CCNC: variants seen among roughly 807,000 people sequenced by gnomAD.
CCNC encodes the protein cyclin C.
CCNC carries 19 observed loss-of-function variants against 50.0 expected under a neutral mutation model. That is an observed-to-expected ratio of 0.38 (90% CI 0.27 to 0.56). The LOEUF (loss-of-function observed/expected upper bound fraction) is 0.56. CCNC is among the 20% of genes least tolerant of loss of function. The pLI, the probability that CCNC is intolerant of heterozygous loss-of-function variation, is 0.72. For missense variants in CCNC, 200 were observed against 327.1 expected (o/e 0.61, Z 3.00); for synonymous variants, 93 against 103.7 (o/e 0.90, Z 0.63).
chr6:99,551,949 C>A (rs994550736), intron 5 of CCNC, 54 bp from the exon 6 acceptor site: 13 of 1,239,204 alleles, frequency 1.0e-5, no homozygotes, highest in South Asian at 1.6e-5. Flanking sequence ...TAAATTAACT[C>A]AAAATTCCTT....
intron 1 of CCNC, 137 bp downstream of exon 1, chr6:99,568,359 T>A (rs1039940783): frequency 3.7e-6 from 3 of 815,258 alleles, no homozygotes. Flanking sequence ...CGCATCTTGA[T>A]TCTGACCGCT....
Position 99,568,623 on chromosome 6 carries a change from C to G in CCNC, c.-96G>C, listed in dbSNP as rs1769265616. On this transcript the variant is annotated 5_prime_UTR_variant, in exon 1 of 12. Transcript: ENST00000520429. ...CCGTCCGGTAACCGCGCTCCTCGAT[C>G]AAATCAGCTCGGCTCGACTCCGCTC... 1 of 1,558,542 alleles carries G rather than the reference C, an allele frequency of 6.4e-7. No homozygotes were observed. Among genetic ancestry groups the G allele is most frequent in the Non-Finnish European group, 8.7e-7 (1 of 1,153,384 alleles).
rs1406208321 is a variant in CCNC at position 99,568,493 on chromosome 6, T to C, written c.32+3A>G. The C allele has an allele frequency of 6.2e-7, 1 of 1,612,468 alleles. No homozygotes were observed. Among genetic ancestry groups the C allele is most frequent in the Non-Finnish European group, 8.5e-7 (1 of 1,179,200 alleles). On this transcript the variant is annotated splice_donor_region_variant and intron_variant, in intron 1 of 11. Transcript: ENST00000520429. The stretch of plus-strand genomic sequence containing the variant: ...CCAGGTGAGAAGACGGAAGATCGCT[T>C]ACTAGTGGGAGCTCTGCCAAAAGTT...
chr6:99,568,765 AGGGAGCCGGAG>A (rs1286058703), upstream of CCNC: 1 of 1,310,046 alleles, frequency 7.6e-7, no homozygotes, highest in Admixed American at 3.1e-5. Context: ...GCGGTAGCGG[AGGGAGCCGGAG>A]GGGAGGTGCT....
At chr6:99,554,684 A>C (rs987549895) in intron 5 of CCNC, among the ~76,000 whole-genome samples, 1 of 151,986 alleles carries the variant, frequency 6.6e-6, no homozygotes, top group Non-Finnish European at 1.5e-5. Flanking sequence ...GTTTGTTTTG[A>C]ATACTTCTTT....
chr6:99,558,061 G>A (rs540043729), intron 5 of CCNC: 185 of 175,278 alleles, frequency 1.1e-3, no homozygotes, highest in Non-Finnish European at 1.6e-3. Context: ...ACTAAGCAAG[G>A]CACTGTTCTA....
intron 6 of CCNC, among the ~76,000 whole-genome samples, chr6:99,551,381 T>TA (rs953779385): frequency 6.6e-6 from 1 of 152,146 alleles, no homozygotes; most frequent in Non-Finnish European, 1.5e-5. Flanking sequence ...CTACTTAATT[T>TA]AAAAAATGTA....
intron 5 of CCNC, among the ~76,000 whole-genome samples, chr6:99,554,219 G>A (rs190661245): frequency 1.2e-3 from 186 of 152,094 alleles, no homozygotes; most frequent in Non-Finnish European, 2.1e-3. Context: ...CCGAGATAAA[G>A]TACCATCTTC....
intron 5 of CCNC, among the ~76,000 whole-genome samples, chr6:99,556,081 A>AT (rs1438959613): frequency 6.6e-6 from 1 of 151,986 alleles, no homozygotes; most frequent in Non-Finnish European, 1.5e-5. Context: ...CTTAAAAATT[A>AT]TTTTTTCCAC....
chr6:99,564,452 G>A (rs1346500672), intron 1 of CCNC, among the ~76,000 whole-genome samples: 1 of 150,858 alleles, frequency 6.6e-6, no homozygotes, highest in Non-Finnish European at 1.5e-5. Context: ...AAATTCCTAT[G>A]GGTTACTGCC....
In CCNC at chr6:99,559,661, AAT is replaced by A. The variant is rs1491576161; in HGVS notation, c.295-1115_295-1114del. 6.6e-3 allele frequency among the ~76,000 whole-genome samples: 830 copies of A among 126,662 alleles called. 5 individuals carry two copies. Among genetic ancestry groups the A allele is most frequent in the African/African-American group, 0.032 (768 of 23,656 alleles). 83.1% of individuals were successfully genotyped at this position (126,662 alleles called of 152,430 possible). ...GATTTGGTCACAGAGATAAAAAAAA[AAT>A]AATAATAATGCTACGACCAAATCTG... On this transcript the variant is annotated intron_variant, in intron 4 of 11. Transcript: ENST00000520429.
intron 5 of CCNC, 96 bp downstream of exon 5, chr6:99,558,401 C>G (rs759420553): frequency 6.6e-7 from 1 of 1,517,994 alleles, no homozygotes; most frequent in Non-Finnish European, 8.8e-7. Context: ...GCCAACCAAT[C>G]TCATATGTCT....
At chr6:99,549,049 C>A (rs546010642) in intron 9 of CCNC, among the ~76,000 whole-genome samples, 1 of 152,216 alleles carries the variant, frequency 6.6e-6, no homozygotes, top group East Asian at 1.9e-4. Flanking sequence ...CCACCCATTA[C>A]AGCACTGCTT....
At chr6:99,559,040 A>T (rs1343613455) in intron 4 of CCNC, among the ~76,000 whole-genome samples, 2 of 152,164 alleles carry the variant, frequency 1.3e-5, no homozygotes, top group Non-Finnish European at 2.9e-5. Context: ...TTAGTTTCCA[A>T]GAAGATTGTT....
In CCNC at chr6:99,543,263, C is replaced by A. The variant is rs542632561; in HGVS notation, c.*292G>T. 7.8e-4 allele frequency: 168 copies of A among 215,708 alleles called. 1 individual carries two copies. Among genetic ancestry groups the A allele is most frequent in the African/African-American group, 3.3e-3 (146 of 43,896 alleles). The allele number at this position is 215,708 out of a possible 1,614,324, so 13.4% of individuals were successfully genotyped here. On this transcript the variant is annotated 3_prime_UTR_variant, in exon 12 of 12. Coordinates refer to ENST00000520429, the MANE Select transcript of CCNC (RefSeq NM_005190.4). ...AATAAAAAGCTACAATTTTTATTAT[C>A]CAAATTAAGAAATATTATACTAATC...
intron 11 of CCNC, among the ~76,000 whole-genome samples, chr6:99,544,657 A>C (rs1293934325): frequency 6.6e-6 from 1 of 151,966 alleles, no homozygotes; most frequent in Non-Finnish European, 1.5e-5. Context: ...TAAAAACCAA[A>C]ATTCTTTATC....
Position 99,568,587 on chromosome 6 carries a change from A to G in CCNC, c.-60T>C. The G allele has an allele frequency of 6.3e-7, 1 of 1,591,330 alleles. No homozygotes were observed. The highest frequency in any genetic ancestry group is 8.5e-7 in the Non-Finnish European group (1 of 1,169,658). On this transcript the variant is annotated 5_prime_UTR_variant, in exon 1 of 12. An upstream start codon of the reference 5' UTR is lost. Coordinates refer to ENST00000520429, the MANE Select transcript of CCNC (RefSeq NM_005190.4). ...CGGCGGAGCGGCCCGCGGAGCGACC[A>G]TAGACCCAGCCCGTCCGGTAACCGC...
chr6:99,557,809 G>GAAA (rs1802598460), intron 5 of CCNC: 2 of 69,542 alleles, frequency 2.9e-5, no homozygotes, highest in Non-Finnish European at 2.7e-5. Flanking sequence ...AAAAAAAAAA[G>GAAA]AAAGAAAAAA....
At chr6:99,547,470 T>C (rs796979919) in intron 9 of CCNC, among the ~76,000 whole-genome samples, 12 of 150,930 alleles carry the variant, frequency 8.0e-5, no homozygotes, top group African/African-American at 2.7e-4. Flanking sequence ...AGAGCTGATA[T>C]CTAAGCCAAG....
Sources: gnomAD v4.1 joint callset for allele counts (sites outside exome capture counted in the v4.1 genomes callset) on GRCh38, gnomAD v4.1.1 for gene constraint, MANE v1.5 for transcripts, NCBI Gene and HGNC (gene_info 2026-07-23, HGNC 2026-07-21) for gene names.